Variants in TLCD3A observed in about 807,000 individuals in gnomAD.
TLCD3A encodes TLC domain containing 3A.
TLCD3A carries 17 observed loss-of-function variants against 29.9 expected under a neutral mutation model. The observed-to-expected ratio is 0.57, with a 90% CI of 0.39 to 0.85. The LOEUF (loss-of-function observed/expected upper bound fraction) is 0.85, where lower values mean the gene tolerates loss of function less well. Ranked by LOEUF, TLCD3A falls within the 40% of genes least tolerant of loss-of-function variation. The pLI is 0.00. For missense variants in TLCD3A, 332 were observed against 350.8 expected, an observed-to-expected ratio of 0.95 and a Z score of 0.43; for synonymous variants, 143 against 147.7, an observed-to-expected ratio of 0.97 and a Z score of 0.23.
rs1567771985 is a variant in TLCD3A at position 741,617 on chromosome 17, C to T, written c.*47C>T. 9 of 1,595,206 alleles carry T rather than the reference C, an allele frequency of 5.6e-6. No individual in the cohort carries two copies. The highest frequency in any genetic ancestry group is 1.7e-5 in the Admixed American group (1 of 59,532). On this transcript the variant is annotated 3_prime_UTR_variant, in exon 5 of 5. Transcript: ENST00000308278. ...AGCCTCACACCAGCTGCCTCCTCCA[C>T]TCAGCATTCCATGGACCAAATTGTG... is the stretch of plus-strand genomic sequence containing the variant.
rs55943725 is a variant in TLCD3A at position 735,986 on chromosome 17, C to CAAAAAAAAAAAAAAAAAAAAAA, written c.207-1840_207-1839insAAAAAAAAAAAAAAAAAAAAAA. Among the ~76,000 whole-genome samples the CAAAAAAAAAAAAAAAAAAAAAA allele has an allele frequency of 2.8e-5, 3 of 107,276 alleles. 1 individual carries two copies. The highest frequency in any genetic ancestry group is 3.1e-4 in the South Asian group (1 of 3,268). The allele number at this position is 107,276 out of a possible 152,430, so 70.4% of individuals were successfully genotyped here. ...AAGATTTTGTCTCAAAAACCAAAACCAAAAAAAAAAAAAAAAAAAAGGAAC... is the reference window on the plus strand; with the variant it reads ...AAGATTTTGTCTCAAAAACCAAAACCAAAAAAAAAAAAAAAAAAAAAAAAAAAAAAAAAAAAAAAAAAGGAAC... On this transcript the variant is annotated intron_variant, in intron 2 of 4. Coordinates refer to ENST00000308278, the MANE Select transcript of TLCD3A (RefSeq NM_024792.3).
At chr17:739,755 G>A (rs1037474714) in intron 3 of TLCD3A, among the ~76,000 whole-genome samples, 1 of 152,212 alleles carries the variant, frequency 6.6e-6, no homozygotes, top group African/African-American at 2.4e-5. Flanking sequence ...GTACTAAGTG[G>A]CAGAGCTGAT....
rs980856025 is a variant in TLCD3A, at chr17:732,993, A to G, written c.123-105A>G. 1.7e-5 allele frequency: 24 copies of G among 1,440,846 alleles called. No individual in the cohort carries two copies. The African/African-American group carries it at 3.0e-4, about 18-fold the overall frequency. 89.3% of individuals were successfully genotyped at this position (1,440,846 alleles called of 1,614,324 possible). ...GATGAGCCTCCGGAGCCCGCTCCCC[A>G]CATCTGCCTGCGGCTGGGGAGAGTC... On this transcript the variant is annotated intron_variant, in intron 1 of 4. Transcript: ENST00000308278.
chr17:740,679 G>T, intron 4 of TLCD3A, 79 bp downstream of exon 4: 1 of 1,428,404 alleles, frequency 7.0e-7, no homozygotes, highest in Non-Finnish European at 9.8e-7. Flanking sequence ...GAGAGTGAGG[G>T]TTCTGATTCA....
rs570157928 is a variant in TLCD3A at position 738,096 on chromosome 17, C to CTTTTTTTTTA, written c.408+58_408+59insATTTTTTTTT. ...CCAGCAGCTGGGTTGAGCTGGGTGTCTTTTTTTTTTTTTTTTTCTGAGACA... is the reference window on the plus strand; with the variant it reads ...CCAGCAGCTGGGTTGAGCTGGGTGTCTTTTTTTTTATTTTTTTTTTTTTTTTTCTGAGACA... On this transcript the variant is annotated intron_variant, in intron 3 of 4. Transcript: ENST00000308278. The CTTTTTTTTTA allele has an allele frequency of 1.1e-4, 53 of 503,566 alleles. No individual in the cohort carries two copies. The East Asian group carries it at 2.6e-3, about 25-fold the overall frequency. 31.2% of individuals were successfully genotyped at this position (503,566 alleles called of 1,614,324 possible).
At chr17:734,530 T>C (rs1210767438) in intron 2 of TLCD3A, among the ~76,000 whole-genome samples, 2 of 152,128 alleles carry the variant, frequency 1.3e-5, no homozygotes, top group African/African-American at 4.8e-5. Flanking sequence ...CCCAGGCTGG[T>C]CTTGAACTCC....
chr17:739,962 T>C (rs1255667099), intron 3 of TLCD3A, among the ~76,000 whole-genome samples: 3 of 152,098 alleles, frequency 2.0e-5, no homozygotes, highest in Non-Finnish European at 4.4e-5. Flanking sequence ...AGGAGAGTCA[T>C]TTGAACCCGG....
chr17:741,307 C>T lies in TLCD3A; in HGVS notation c.511C>T (p.Gln171Ter). Residue 171 changes from glutamine to a stop codon, truncating the protein, a stop_gained, in exon 5 of 5, where the codon CAG becomes TAG. Transcript: ENST00000308278. LOFTEE classifies it high-confidence loss of function. ...SLGRVLIQLKQQHTLLYKVNG... is the reference protein window; with the variant it reads ...SLGRVLIQLK ...CCTTCCTCTTCTATTGCAGCTAAAGCAGCAGCACACCCTTCTGTACAAGGT... is the reference window on the plus strand; with the variant it reads ...CCTTCCTCTTCTATTGCAGCTAAAGTAGCAGCACACCCTTCTGTACAAGGT... The T allele has an allele frequency of 6.2e-7, 1 of 1,614,122 alleles. No homozygotes were observed. Among genetic ancestry groups the T allele is most frequent in the African/African-American group, 1.3e-5 (1 of 75,038 alleles).
At chr17:733,467 G>C (rs574205219) in intron 2 of TLCD3A, among the ~76,000 whole-genome samples, 1 of 152,314 alleles carries the variant, frequency 6.6e-6, no homozygotes, top group Non-Finnish European at 1.5e-5. Context: ...TGGGAGTGTG[G>C]CTTGATTCTT....
chr17:736,765 C>T (rs558858461), intron 2 of TLCD3A, among the ~76,000 whole-genome samples: 3 of 151,976 alleles, frequency 2.0e-5, no homozygotes, highest in South Asian at 2.1e-4. Context: ...AATCGATTCT[C>T]CTGCCTCAGC....
At chr17:733,495 G>C (rs1010810111) in intron 2 of TLCD3A, among the ~76,000 whole-genome samples, 1 of 152,198 alleles carries the variant, frequency 6.6e-6, no homozygotes, top group Non-Finnish European at 1.5e-5. Flanking sequence ...GCTTCACTGG[G>C]TTCTCACTCT....
chr17:735,782 T>C (rs561437369), intron 2 of TLCD3A, among the ~76,000 whole-genome samples: 177 of 150,964 alleles, frequency 1.2e-3, no homozygotes, highest in Non-Finnish European at 2.1e-3. Flanking sequence ...CTGGCCAACA[T>C]GGTGAAACCC....
At chr17:734,110 G>A (rs947746007) in intron 2 of TLCD3A, among the ~76,000 whole-genome samples, 4 of 152,148 alleles carry the variant, frequency 2.6e-5, no homozygotes, top group African/African-American at 4.8e-5. Context: ...TAGATGCTAC[G>A]ATAGATCAAG....
At chr17:741,035 T>C (rs1974245342) in intron 4 of TLCD3A, among the ~76,000 whole-genome samples, 1 of 152,254 alleles carries the variant, frequency 6.6e-6, no homozygotes, top group Non-Finnish European at 1.5e-5. Flanking sequence ...CCTGTACTCC[T>C]GTCAGCTGGG....
intron 2 of TLCD3A, among the ~76,000 whole-genome samples, chr17:735,770 G>C (rs1369603907): frequency 6.6e-6 from 1 of 151,522 alleles, no homozygotes; most frequent in East Asian, 1.9e-4. Flanking sequence ...CTTGAGACCA[G>C]TCTGGCCAAC....
chr17:733,604 G>C (rs1312368833), intron 2 of TLCD3A, among the ~76,000 whole-genome samples: 1 of 152,162 alleles, frequency 6.6e-6, no homozygotes, highest in African/African-American at 2.4e-5. Flanking sequence ...CGCCGCTCTT[G>C]CTTTTCCTGC....
intron 3 of TLCD3A, among the ~76,000 whole-genome samples, chr17:738,558 CCAACAT>C (rs1409806096): frequency 7.2e-5 from 11 of 152,152 alleles, no homozygotes; most frequent in South Asian, 2.1e-4. Flanking sequence ...ATCCTCCTTA[CCAACAT>C]CAACATCAAC....
intron 3 of TLCD3A, among the ~76,000 whole-genome samples, chr17:738,834 T>G (rs1974203949): frequency 6.6e-6 from 1 of 152,268 alleles, no homozygotes; most frequent in Admixed American, 6.5e-5. Context: ...CCCAAAGTGC[T>G]GGGATTACAG....
At chr17:733,071 G>A in intron 1 of TLCD3A, 27 bp from the exon 2 acceptor site, 1 of 1,517,324 alleles carries the variant, frequency 6.6e-7, no homozygotes, top group South Asian at 1.2e-5. Flanking sequence ...GACTGAGCGC[G>A]CGCGCTGTTC....
Sources: allele counts gnomAD v4.1 joint callset (sites outside exome capture counted in the v4.1 genomes callset), GRCh38; gene constraint gnomAD v4.1.1; transcripts MANE v1.5; gene names NCBI Gene and HGNC (gene_info 2026-07-23, HGNC 2026-07-21).